Variants in NEDD4L observed in about 807,000 individuals in gnomAD.
NEDD4L encodes the protein E3 ubiquitin-protein ligase NEDD4-like.
A neutral mutation model predicts 148.9 loss-of-function variants in NEDD4L; 54 were observed. That is an observed-to-expected ratio of 0.36 (90% CI 0.29 to 0.45). NEDD4L has a LOEUF of 0.45. Ranked by LOEUF, NEDD4L falls within the 20% of genes least tolerant of loss-of-function variation. The pLI is 1.00. For missense variants in NEDD4L, 856 were observed against 1,233.8 expected (o/e 0.69, Z 4.59); for synonymous variants, 433 against 440.7 (o/e 0.98, Z 0.22).
intron 23 of NEDD4L, 153 bp from the exon 24 acceptor site, chr18:58,373,021 A>C: frequency 1.9e-6 from 1 of 527,870 alleles, no homozygotes; most frequent in Non-Finnish European, 3.4e-6. Flanking sequence ...TTAAAGAGGA[A>C]GGTTTGGTTT....
At chr18:58,230,943 C>T (rs771268577) in intron 2 of NEDD4L, among the ~76,000 whole-genome samples, 1 of 152,088 alleles carries the variant, frequency 6.6e-6, no homozygotes, top group Non-Finnish European at 1.5e-5. Context: ...TTAAGATTTA[C>T]ATACTTGAAA....
intron 2 of NEDD4L, among the ~76,000 whole-genome samples, chr18:58,167,273 G>A (rs2036970800): frequency 6.6e-6 from 1 of 152,176 alleles, no homozygotes. Context: ...TTCACCATGT[G>A]CCTGCACTCA....
chr18:58,072,753 TA>T (rs1302641988), intron 1 of NEDD4L, among the ~76,000 whole-genome samples: 1 of 152,108 alleles, frequency 6.6e-6, no homozygotes, highest in Non-Finnish European at 1.5e-5. Context: ...AAAATAGTAA[TA>T]TAAATAAAAG....
chr18:58,083,793 T>G (rs2145164435), intron 1 of NEDD4L, among the ~76,000 whole-genome samples: 1 of 152,384 alleles, frequency 6.6e-6, no homozygotes, highest in East Asian at 1.9e-4. Flanking sequence ...AATGCTATGC[T>G]ATGCTGCCAT....
intron 2 of NEDD4L, among the ~76,000 whole-genome samples, chr18:58,201,175 A>G (rs1599644442): frequency 6.6e-6 from 1 of 152,292 alleles, no homozygotes; most frequent in African/African-American, 2.4e-5. Flanking sequence ...TCTACTAAAA[A>G]TACAAAAATT....
At chr18:58,289,442 C>G (rs2054393283) in intron 5 of NEDD4L, among the ~76,000 whole-genome samples, 1 of 152,204 alleles carries the variant, frequency 6.6e-6, no homozygotes, top group Non-Finnish European at 1.5e-5. Flanking sequence ...ACCAGTGAAC[C>G]AAGCTATTCC....
In NEDD4L at chr18:58,397,305, A is replaced by G. The variant is rs1009408721; in HGVS notation, c.*1036A>G. 1 of 152,660 alleles carries G rather than the reference A, an allele frequency of 6.6e-6. No individual in the cohort carries two copies. Among genetic ancestry groups the G allele is most frequent in the Non-Finnish European group, 1.5e-5 (1 of 68,040 alleles). 9.5% of individuals were successfully genotyped at this position (152,660 alleles called of 1,614,324 possible). On this transcript the variant is annotated 3_prime_UTR_variant, in exon 31 of 31. Transcript: ENST00000400345. ...ACCAGTTTTTGTTGTAAATGCACCA[A>G]TTCTGAAGGCACTTTATGTACTACA...
rs574171283 is a variant in NEDD4L at position 58,259,226 on chromosome 18, C to G, written c.297+7172C>G. On this transcript the variant is annotated intron_variant, in intron 5 of 30. Coordinates refer to ENST00000400345, the MANE Select transcript of NEDD4L (RefSeq NM_001144967.3). ...TAACATGACTCCAAAAAATGTTAAC[C>G]AACTAAATTATTAGAAAAAATACAG... is the stretch of plus-strand genomic sequence containing the variant. Among the ~76,000 whole-genome samples, 20 of 152,226 alleles carry G rather than the reference C, an allele frequency of 1.3e-4. No individual in the cohort carries two copies. The South Asian group carries it at 3.9e-3, about 30-fold the overall frequency.
chr18:58,151,043 G>T (rs146605925), intron 1 of NEDD4L, among the ~76,000 whole-genome samples: 115 of 152,314 alleles, frequency 7.6e-4, no homozygotes, highest in African/African-American at 2.6e-3. Context: ...GCCCTCTACA[G>T]GGAATTTCAT....
intron 1 of NEDD4L, among the ~76,000 whole-genome samples, chr18:58,081,365 A>G (rs556617255): frequency 1.3e-5 from 2 of 151,616 alleles, no homozygotes; most frequent in African/African-American, 4.8e-5. Flanking sequence ...ACAGGTGCCT[A>G]CCACCGCGCC....
intron 20 of NEDD4L, among the ~76,000 whole-genome samples, chr18:58,365,592 A>G (rs2046013208): frequency 1.3e-5 from 2 of 152,218 alleles, no homozygotes; most frequent in African/African-American, 4.8e-5. Context: ...ACAGTTGAGC[A>G]TGGATAGGCC....
At chr18:58,146,152 C>T (rs2034076403) in intron 1 of NEDD4L, among the ~76,000 whole-genome samples, 1 of 152,146 alleles carries the variant, frequency 6.6e-6, no homozygotes. Context: ...GTGCTGGGTT[C>T]TGGTAGATGT....
chr18:58,208,652 T>C lies in NEDD4L; in HGVS notation c.123-36775T>C, dbSNP rs2042208755. Among the ~76,000 whole-genome samples, 3 of 152,326 alleles carry C rather than the reference T, an allele frequency of 2.0e-5. 1 individual carries two copies. Among genetic ancestry groups the C allele is most frequent in the East Asian group, 3.9e-4 (2 of 5,182 alleles). On this transcript the variant is annotated intron_variant, in intron 2 of 30. Coordinates refer to ENST00000400345, the MANE Select transcript of NEDD4L (RefSeq NM_001144967.3). ...GCCTCTCACCCTGGGAGAAGCAGATTCACTTTGCCCCTTCAGCATTGGTTT... is the reference window on the plus strand; with the variant it reads ...GCCTCTCACCCTGGGAGAAGCAGATCCACTTTGCCCCTTCAGCATTGGTTT...
intron 9 of NEDD4L, among the ~76,000 whole-genome samples, chr18:58,326,371 A>G (rs2059315942): frequency 6.6e-6 from 1 of 152,238 alleles, no homozygotes; most frequent in East Asian, 1.9e-4. Flanking sequence ...CAAAAATATC[A>G]GATCAGCTGG....
chr18:58,110,546 G>A (rs1452457401), intron 1 of NEDD4L, among the ~76,000 whole-genome samples: 4 of 152,186 alleles, frequency 2.6e-5, no homozygotes, highest in East Asian at 3.8e-4. Flanking sequence ...CATTATCTCA[G>A]CTGTGGTGCT....
intron 1 of NEDD4L, among the ~76,000 whole-genome samples, chr18:58,122,525 A>G (rs993802617): frequency 5.9e-5 from 9 of 152,074 alleles, no homozygotes; most frequent in African/African-American, 2.2e-4. Flanking sequence ...ATAAAATATA[A>G]AAGTCTAGTG....
Position 58,389,129 on chromosome 18 carries a change from A to T in NEDD4L, c.2592A>T (p.Arg864Ser). Residue 864 changes from arginine (R) to serine (S), a missense_variant, in exon 28 of 31, where the codon AGA becomes AGT. This residue lies in a region of NEDD4L where 286 missense variants were observed against 531.8 expected (regional missense o/e 0.54). Coordinates refer to ENST00000400345, the MANE Select transcript of NEDD4L (RefSeq NM_001144967.3). ...GLGDVDVNDW[R>S]QHSIYKNGYC... ...GTGATGTGGATGTGAATGACTGGAG[A>T]CAGCATTCTATTTACAAGAACGGCT... The T allele has an allele frequency of 6.2e-7, 1 of 1,613,898 alleles. No homozygotes were observed. The highest frequency in any genetic ancestry group is 1.1e-5 in the South Asian group (1 of 91,054).
intron 5 of NEDD4L, among the ~76,000 whole-genome samples, chr18:58,313,888 G>T (rs1232409589): frequency 6.6e-6 from 1 of 152,238 alleles, no homozygotes; most frequent in African/African-American, 2.4e-5. Context: ...TTAGGTTAAT[G>T]ATTCATGGGC....
chr18:58,105,211 C>T (rs921906882), intron 1 of NEDD4L, among the ~76,000 whole-genome samples: 1 of 152,150 alleles, frequency 6.6e-6, no homozygotes, highest in East Asian at 1.9e-4. Flanking sequence ...GCAAGGAGAG[C>T]GCTAGGACTG....
Sources: allele counts gnomAD v4.1 joint callset (sites outside exome capture counted in the v4.1 genomes callset), GRCh38; gene constraint gnomAD v4.1.1; regional missense constraint gnomAD v4.1.1; transcripts MANE v1.5; gene names NCBI Gene and HGNC (gene_info 2026-07-23, HGNC 2026-07-21).